The following SPRED1 variants were observed in gnomAD, a reference collection of about 807,000 sequenced individuals.
The protein encoded by SPRED1 is sprouty related EVH1 domain containing 1.
Under a neutral mutation model 52.3 loss-of-function variants are expected in SPRED1, and 18 were observed. The ratio of observed to expected loss-of-function variants is 0.34; its 90% CI spans 0.24 to 0.51. The LOEUF (loss-of-function observed/expected upper bound fraction) is 0.51, where lower values mean the gene tolerates loss of function less well. Among genes scored for constraint, SPRED1 ranks in the 20% least tolerant of loss-of-function variants. The pLI, the probability that SPRED1 is intolerant of heterozygous loss-of-function variation, is 0.97. For missense variants in SPRED1, 485 were observed against 551.0 expected (o/e 0.88, Z 1.20); for synonymous variants, 155 against 179.7 (o/e 0.86, Z 1.10).
chr15:38,287,324 A>C (rs1379515563), intron 1 of SPRED1, among the ~76,000 whole-genome samples: 1 of 152,136 alleles, frequency 6.6e-6, no homozygotes, highest in Non-Finnish European at 1.5e-5. Context: ...TGCCACCTTC[A>C]TCTATTGCTG....
chr15:38,273,619 C>A (rs17357188), intron 1 of SPRED1, among the ~76,000 whole-genome samples: 19,805 of 147,632 alleles, frequency 0.13, 1,469 homozygotes, highest in East Asian at 0.21. Context: ...AAAATTATTC[C>A]CTTCACTAGC....
chr15:38,258,253 A>G (rs192479585), intron 1 of SPRED1, among the ~76,000 whole-genome samples: 315 of 152,296 alleles, frequency 2.1e-3, no homozygotes, highest in African/African-American at 7.0e-3. Flanking sequence ...TGCTTTATGA[A>G]AGCATTATGT....
intron 5 of SPRED1, among the ~76,000 whole-genome samples, chr15:38,349,133 CTA>C (rs1201648699): frequency 6.6e-6 from 1 of 152,094 alleles, no homozygotes; most frequent in African/African-American, 2.4e-5. Context: ...ATATTCCACT[CTA>C]TGGATTTACT....
intron 1 of SPRED1, 173 bp from the exon 2 acceptor site, chr15:38,299,200 T>C: frequency 1.4e-6 from 1 of 722,288 alleles, no homozygotes; most frequent in Admixed American, 2.1e-5. Context: ...AGTCTGTTTT[T>C]GGTTTTTGAC....
rs1566868015 is a variant in SPRED1, at chr15:38,324,753, A to AT, written c.377-6dup. 6.3e-7 allele frequency: 1 copy of AT among 1,599,000 alleles called. No homozygotes were observed. Among genetic ancestry groups the AT allele is most frequent in the South Asian group, 1.1e-5 (1 of 88,622 alleles). On this transcript the variant is annotated splice_polypyrimidine_tract_variant and intron_variant, in intron 3 of 6. Coordinates refer to ENST00000299084, the MANE Select transcript of SPRED1 (RefSeq NM_152594.3). ...TTCTATACTTAATTAACTTTTATCT[A>AT]TTTTCTTAGGATGCCCCGAATCAAA...
At chr15:38,350,698 T>C (rs1219826161) in intron 6 of SPRED1, among the ~76,000 whole-genome samples, 1 of 152,172 alleles carries the variant, frequency 6.6e-6, no homozygotes, top group African/African-American at 2.4e-5. Context: ...CAGGGTAGGC[T>C]GTCTGGAGAC....
chr15:38,314,630 A>C (rs1413204705), intron 2 of SPRED1, among the ~76,000 whole-genome samples: 1 of 151,844 alleles, frequency 6.6e-6, no homozygotes, highest in Non-Finnish European at 1.5e-5. Flanking sequence ...GTGTGGGTTT[A>C]TTGGAGTATG....
At chr15:38,329,575 G>A (rs1895770916) in intron 4 of SPRED1, among the ~76,000 whole-genome samples, 1 of 152,032 alleles carries the variant, frequency 6.6e-6, no homozygotes, top group Admixed American at 6.6e-5. Flanking sequence ...TTGTATCTTA[G>A]GTTGAGTTTT....
chr15:38,334,778 T>C (rs1264598882), intron 4 of SPRED1, among the ~76,000 whole-genome samples: 2 of 152,080 alleles, frequency 1.3e-5, no homozygotes, highest in African/African-American at 4.8e-5. Context: ...TTTTGATTCT[T>C]GTTTTCTTTA....
chr15:38,342,962 A>ATGG (rs1896057984), intron 5 of SPRED1, among the ~76,000 whole-genome samples: 1 of 152,134 alleles, frequency 6.6e-6, no homozygotes, highest in Non-Finnish European at 1.5e-5. Flanking sequence ...TTGGAAGACT[A>ATGG]TATATGTTCT....
chr15:38,303,982 G>A (rs1204273701), intron 2 of SPRED1, among the ~76,000 whole-genome samples: 1 of 152,134 alleles, frequency 6.6e-6, no homozygotes, highest in African/African-American at 2.4e-5. Flanking sequence ...AAGTAATTAG[G>A]TTGTCGATAA....
chr15:38,253,031 T>C lies in SPRED1; in HGVS notation c.-155T>C. 1.4e-6 allele frequency: 1 copy of C among 694,222 alleles called. No individual in the cohort carries two copies. Among genetic ancestry groups the C allele is most frequent in the South Asian group, 1.6e-5 (1 of 63,502 alleles). 43.0% of individuals were successfully genotyped at this position (694,222 alleles called of 1,614,324 possible). A position where few individuals can be genotyped will look rare whatever the true frequency, so the allele number is the denominator to read the frequency against. On this transcript the variant is annotated 5_prime_UTR_variant, in exon 1 of 7. Coordinates refer to ENST00000299084, the MANE Select transcript of SPRED1 (RefSeq NM_152594.3). ...TGGCCGGGGTTCCCGGCTGGGGGGG[T>C]ACCGTTCTGGGTGAGGCATCCACCA...
intron 1 of SPRED1, among the ~76,000 whole-genome samples, chr15:38,265,699 A>T (rs925838000): frequency 1.3e-5 from 2 of 152,076 alleles, no homozygotes; most frequent in Admixed American, 1.3e-4. Flanking sequence ...TAATTTTAAT[A>T]CCTGAGCACA....
chr15:38,284,311 T>C (rs1371115873), intron 1 of SPRED1, among the ~76,000 whole-genome samples: 1 of 152,182 alleles, frequency 6.6e-6, no homozygotes, highest in African/African-American at 2.4e-5. Flanking sequence ...CACAGTTTTG[T>C]TCATACGCTC....
At chr15:38,338,881 T>C (rs1169990435) in intron 4 of SPRED1, among the ~76,000 whole-genome samples, 1 of 152,100 alleles carries the variant, frequency 6.6e-6, no homozygotes, top group Non-Finnish European at 1.5e-5. Flanking sequence ...ACAAAATCTT[T>C]TAAAAAGAAA....
chr15:38,295,303 GT>G (rs1895011784), intron 1 of SPRED1, among the ~76,000 whole-genome samples: 1 of 152,206 alleles, frequency 6.6e-6, no homozygotes, highest in South Asian at 2.1e-4. Context: ...ATTTCATAAT[GT>G]TTTAAGAAAT....
rs1265799031 is a variant in SPRED1 at position 38,300,473 on chromosome 15, C to A, written c.207+926C>A. Among the ~76,000 whole-genome samples the A allele has an allele frequency of 2.0e-5, 3 of 152,244 alleles. No individual in the cohort carries two copies. The East Asian group carries it at 5.8e-4, about 29-fold the overall frequency. The stretch of plus-strand genomic sequence containing the variant: ...TTGAGCTCCAAATAATTCTTCCATG[C>A]ATGAACAGTTTGAATATGACTTACT... On this transcript the variant is annotated intron_variant, in intron 2 of 6. Coordinates refer to ENST00000299084, the MANE Select transcript of SPRED1 (RefSeq NM_152594.3).
intron 1 of SPRED1, among the ~76,000 whole-genome samples, chr15:38,276,315 A>C (rs1894552289): frequency 1.3e-5 from 2 of 151,982 alleles, no homozygotes; most frequent in South Asian, 4.1e-4. Context: ...CCATTAATTC[A>C]AATGACTTAG....
At chr15:38,293,219 C>A (rs1280347794) in intron 1 of SPRED1, among the ~76,000 whole-genome samples, 1 of 144,956 alleles carries the variant, frequency 6.9e-6, no homozygotes, top group African/African-American at 2.5e-5. Context: ...CCTGCCTCAG[C>A]CTCCTGAGTA....
Sources: gnomAD v4.1 joint callset for allele counts (sites outside exome capture counted in the v4.1 genomes callset) on GRCh38, gnomAD v4.1.1 for gene constraint, MANE v1.5 for transcripts, NCBI Gene and HGNC (gene_info 2026-07-23, HGNC 2026-07-21) for gene names.